The following TRPC5 variants were observed in gnomAD, a reference collection of about 807,000 sequenced individuals.
TRPC5 encodes the protein transient receptor potential cation channel subfamily C member 5, also known as short transient receptor potential channel 5.
Under a neutral mutation model 56.5 loss-of-function variants are expected in TRPC5, and 9 were observed. The ratio of observed to expected loss-of-function variants is 0.16; its 90% confidence interval spans 0.10 to 0.28. The LOEUF (loss-of-function observed/expected upper bound fraction) is 0.28, where lower values mean the gene tolerates loss of function less well. Ranked by LOEUF, TRPC5 falls within the 10% of genes least tolerant of loss-of-function variation. The pLI is 1.00. For missense variants in TRPC5, 469 were observed against 748.9 expected, an observed-to-expected ratio of 0.63 and a Z score of 4.36; for synonymous variants, 282 against 278.5, an observed-to-expected ratio of 1.01 and a Z score of -0.13.
chrX:111,778,396 CTG>C (rs993404507), intron 10 of TRPC5, among the ~76,000 whole-genome samples: 24 of 111,513 alleles, frequency 2.2e-4, no homozygotes, highest in African/African-American at 7.5e-4. Context: ...TTGTGGGAGA[CTG>C]TACTATTCAT....
intron 3 of TRPC5, among the ~76,000 whole-genome samples, chrX:111,905,914 C>CAAAAAAAAAA (rs1202912083): frequency 2.2e-4 from 8 of 36,999 alleles, no homozygotes; most frequent in African/African-American, 9.3e-4. Context: ...GTCTCTGTCT[C>CAAAAAAAAAA]AAAAAAAAAA....
At chrX:111,834,433 A>T (rs2148577203) in intron 7 of TRPC5, among the ~76,000 whole-genome samples, 1 of 111,389 alleles carries the variant, frequency 9.0e-6, no homozygotes, top group African/African-American at 3.3e-5. Context: ...TCTATTTTTT[A>T]AAATAGGAAA....
intron 1 of TRPC5, among the ~76,000 whole-genome samples, chrX:111,966,095 G>A (rs1927563189): frequency 9.0e-6 from 1 of 111,223 alleles, no homozygotes; most frequent in Admixed American, 9.5e-5. Flanking sequence ...GACTAATAAA[G>A]AAGAAAAGAG....
At chrX:111,967,431 T>C (rs1432944817) in intron 1 of TRPC5, among the ~76,000 whole-genome samples, 1 of 111,086 alleles carries the variant, frequency 9.0e-6, no homozygotes, top group Non-Finnish European at 1.9e-5. Context: ...TTCAATGCCA[T>C]CCCCATCAAG....
At chrX:111,786,103 C>A (rs1316205551) in intron 7 of TRPC5, among the ~76,000 whole-genome samples, 1 of 111,112 alleles carries the variant, frequency 9.0e-6, no homozygotes, top group African/African-American at 3.3e-5. Context: ...AACCCCAAGA[C>A]ACATAATTTT....
chrX:111,905,292 C>A (rs773617575), intron 3 of TRPC5, among the ~76,000 whole-genome samples: 2 of 110,983 alleles, frequency 1.8e-5, no homozygotes, highest in East Asian at 5.6e-4. Context: ...CTCCCTCCAG[C>A]CCATATTTAA....
intron 1 of TRPC5, among the ~76,000 whole-genome samples, chrX:111,959,615 A>G: frequency 8.9e-6 from 1 of 111,779 alleles, no homozygotes; most frequent in East Asian, 2.8e-4. Context: ...TCACATTTGG[A>G]TATGTTGGTG....
chrX:111,911,738 T>A (rs369321480), intron 3 of TRPC5, among the ~76,000 whole-genome samples: 2 of 112,109 alleles, frequency 1.8e-5, no homozygotes, highest in African/African-American at 3.2e-5. Flanking sequence ...ACCTTGAGTA[T>A]GACTTCATCT....
intron 7 of TRPC5, among the ~76,000 whole-genome samples, chrX:111,787,651 T>C (rs1411131039): frequency 9.3e-6 from 1 of 107,464 alleles, no homozygotes; most frequent in Non-Finnish European, 1.9e-5. Context: ...ATCAACAAAA[T>C]TGATAGACCA....
At chrX:111,804,135 A>C (rs1242382854) in intron 7 of TRPC5, among the ~76,000 whole-genome samples, 1 of 111,903 alleles carries the variant, frequency 8.9e-6, no homozygotes, top group Non-Finnish European at 1.9e-5. Context: ...TGTTTTTGTC[A>C]GGTTTGTCAA....
chrX:112,076,835 C>A, intron 1 of TRPC5, among the ~76,000 whole-genome samples: 1 of 111,710 alleles, frequency 9.0e-6, no homozygotes, highest in Non-Finnish European at 1.9e-5. Flanking sequence ...ATATTTGTTT[C>A]TAGTGGCCTC....
intron 7 of TRPC5, among the ~76,000 whole-genome samples, chrX:111,822,445 T>C (rs958846142): frequency 1.8e-5 from 2 of 112,475 alleles, no homozygotes; most frequent in Non-Finnish European, 3.7e-5. Flanking sequence ...TGCTAATATA[T>C]GCTTTTTTCT....
At chrX:111,896,796 C>A (rs192924185) in intron 3 of TRPC5, among the ~76,000 whole-genome samples, 20 of 112,028 alleles carry the variant, frequency 1.8e-4, no homozygotes, top group African/African-American at 6.5e-4. Flanking sequence ...CCGACCTGGG[C>A]TGACATCCAG....
At chrX:111,827,474 C>A (rs759659119) in intron 7 of TRPC5, among the ~76,000 whole-genome samples, 24 of 111,352 alleles carry the variant, frequency 2.2e-4, no homozygotes, top group African/African-American at 7.8e-4. Flanking sequence ...TCACCTCCCT[C>A]CCCGACCAGG....
intron 3 of TRPC5, among the ~76,000 whole-genome samples, chrX:111,886,682 C>G (rs913446350): frequency 2.7e-5 from 3 of 111,706 alleles, no homozygotes; most frequent in Non-Finnish European, 5.6e-5. Context: ...TAATGACATT[C>G]TGGAGGCCAA....
chrX:111,860,389 T>G (rs771501628), intron 3 of TRPC5, among the ~76,000 whole-genome samples: 1 of 112,640 alleles, frequency 8.9e-6, no homozygotes, highest in African/African-American at 3.2e-5. Context: ...AGGTAAAAAT[T>G]GGTTTTTTTA....
At chrX:111,801,304 G>A (rs183281812) in intron 7 of TRPC5, among the ~76,000 whole-genome samples, 1 of 111,703 alleles carries the variant, frequency 9.0e-6, no homozygotes, top group African/African-American at 3.2e-5. Flanking sequence ...TGGTCATTCG[G>A]GTTGTTTCCA....
At chrX:111,862,815 A>G (rs1923441956) in intron 3 of TRPC5, among the ~76,000 whole-genome samples, 1 of 112,364 alleles carries the variant, frequency 8.9e-6, no homozygotes, top group African/African-American at 3.2e-5. Context: ...CGAACATGGA[A>G]TATCTTTCCA....
At chrX:111,785,012 A>G (rs1167114608) in intron 7 of TRPC5, among the ~76,000 whole-genome samples, 4 of 112,422 alleles carry the variant, frequency 3.6e-5, no homozygotes, top group Non-Finnish European at 7.5e-5. Flanking sequence ...AAGGCAGCAG[A>G]CAACTCTGCA....
Sources: gnomAD v4.1 joint callset for allele counts (sites outside exome capture counted in the v4.1 genomes callset) on GRCh38, gnomAD v4.1.1 for gene constraint, MANE v1.5 for transcripts, NCBI Gene and HGNC (gene_info 2026-07-23, HGNC 2026-07-21) for gene names.